ZNF239: variants seen among roughly 807,000 people sequenced by gnomAD.
ZNF239 encodes the protein zinc finger protein (C2H2) homologous to mouse MOK-2.
ZNF239 carries 16 observed loss-of-function variants against 27.5 expected under a neutral mutation model. The observed-to-expected ratio is 0.58, with a 90% CI of 0.39 to 0.88. The LOEUF (loss-of-function observed/expected upper bound fraction) is 0.88. Ranked by LOEUF, ZNF239 falls within the 40% of genes least tolerant of loss-of-function variation. ZNF239 has a pLI of 0.00. For missense variants in ZNF239, 527 were observed against 551.9 expected (o/e 0.95, Z 0.45); for synonymous variants, 199 against 192.6 (o/e 1.03, Z -0.27).
chr10:43,570,889 T>C, intron 2 of ZNF239: 3 of 985,318 alleles, frequency 3.0e-6, no homozygotes, highest in Non-Finnish European at 3.6e-6. Flanking sequence ...GGAAAGGATA[T>C]GTTGGTGGAC....
chr10:43,574,211 G>C (rs960821447), intron 1 of ZNF239, among the ~76,000 whole-genome samples: 2 of 152,208 alleles, frequency 1.3e-5, no homozygotes, highest in Non-Finnish European at 2.9e-5. Flanking sequence ...CGAGGAAAAG[G>C]CCGGCGTGGC....
intron 2 of ZNF239, among the ~76,000 whole-genome samples, chr10:43,572,218 G>C (rs1317094689): frequency 2.0e-5 from 3 of 152,208 alleles, no homozygotes; most frequent in Admixed American, 6.5e-5. Context: ...GCAATCCCCA[G>C]TTGCAGCGGC....
chr10:43,570,434 CCTT>C, intron 2 of ZNF239: 1 of 985,282 alleles, frequency 1.0e-6, no homozygotes, highest in East Asian at 1.1e-4. Flanking sequence ...CCCAACCAGA[CCTT>C]CTCTTCAGAC....
At chr10:43,573,995 C>T (rs572624365) in intron 1 of ZNF239, among the ~76,000 whole-genome samples, 1 of 152,346 alleles carries the variant, frequency 6.6e-6, no homozygotes, top group East Asian at 1.9e-4. Context: ...AGAGGAGAAG[C>T]TTCTCGGGAT....
intron 1 of ZNF239, 103 bp from the exon 2 acceptor site, chr10:43,573,780 T>C (rs1838181787): frequency 6.4e-6 from 2 of 313,978 alleles, no homozygotes; most frequent in Non-Finnish European, 9.2e-6. Flanking sequence ...GCTTCTTCAG[T>C]CACTTCCACC....
At position 43,557,151 on chromosome 10, in the gene ZNF239, T is replaced by A. The variant is rs1179676921; in HGVS notation, c.929A>T (p.Gln310Leu). ...FSQSSKLHIH[Q>L]RVHTGEKPYE... The stretch of plus-strand genomic sequence containing the variant: ...GGGCTTCTCTCCAGTGTGGACTCGC[T>A]GGTGGATGTGCAGTTTGGAGCTCTG... Residue 310 changes from glutamine to leucine, a missense_variant, in exon 4 of 4, where the codon CAG becomes CTG. Coordinates refer to ENST00000374446, the MANE Select transcript of ZNF239 (RefSeq NM_001099282.2). 1 of 1,613,688 alleles carries A rather than the reference T, an allele frequency of 6.2e-7. No homozygotes were observed. The highest frequency in any genetic ancestry group is 8.5e-7 in the Non-Finnish European group (1 of 1,179,772).
Position 43,557,049 on chromosome 10 carries a change from TCTC to T in ZNF239, c.1028_1030del (p.Gly343del). 1 of 1,613,998 alleles carries T rather than the reference TCTC, an allele frequency of 6.2e-7. No individual in the cohort carries two copies. Among genetic ancestry groups the T allele is most frequent in the Non-Finnish European group, 8.5e-7 (1 of 1,179,990 alleles). ...ACACTCACCACACTTGTAGGGCCTCTCTCCTGTGTGTACTCGCTGGTGGATGTG... is the reference window on the plus strand; with the variant it reads ...ACACTCACCACACTTGTAGGGCCTCTCTGTGTGTACTCGCTGGTGGATGTG... On this transcript the variant is annotated inframe_deletion, in exon 4 of 4. Transcript: ENST00000374446.
chr10:43,559,421 G>C (rs185182200), intron 3 of ZNF239, among the ~76,000 whole-genome samples: 133 of 152,314 alleles, frequency 8.7e-4, no homozygotes, highest in African/African-American at 3.0e-3. Flanking sequence ...ACCTAGAAGA[G>C]AAAGGAGGCA....
Position 43,563,620 on chromosome 10 carries a change from T to C in ZNF239, c.-93+4279A>G, listed in dbSNP as rs145976556. On this transcript the variant is annotated intron_variant, in intron 3 of 3. Transcript: ENST00000374446. The stretch of plus-strand genomic sequence containing the variant: ...GCATAAAAGAAAAATGTTGAACAAG[T>C]ATGTTCCATTTTATGTTAATAACAA... 3.9e-3 allele frequency among the ~76,000 whole-genome samples: 588 copies of C among 152,344 alleles called. 8 individuals carry two copies. Among genetic ancestry groups the C allele is most frequent in the African/African-American group, 0.013 (556 of 41,592 alleles).
At chr10:43,573,199 T>C (rs1838139027) in intron 2 of ZNF239, among the ~76,000 whole-genome samples, 2 of 152,186 alleles carry the variant, frequency 1.3e-5, no homozygotes, top group Non-Finnish European at 2.9e-5. Context: ...ACTATTAATA[T>C]GCATTTTTTT....
chr10:43,570,713 CT>C, intron 2 of ZNF239: 4 of 884,768 alleles, frequency 4.5e-6, no homozygotes, highest in Non-Finnish European at 5.4e-6. Flanking sequence ...CACTGCCAGT[CT>C]TAGTAAGACC....
At chr10:43,567,860 C>G in intron 3 of ZNF239, 39 bp downstream of exon 3, 1 of 960,422 alleles carries the variant, frequency 1.0e-6, no homozygotes, top group South Asian at 4.8e-5. Flanking sequence ...AACAAAGAAG[C>G]CAATGGGCAG....
At chr10:43,570,885 G>T (rs1437623197) in intron 2 of ZNF239, 21 of 985,350 alleles carry the variant, frequency 2.1e-5, no homozygotes, top group Non-Finnish European at 2.5e-5. Context: ...GAAGGGAAAG[G>T]ATATGTTGGT....
rs570659024 is a variant in ZNF239, at chr10:43,573,726, C to T, written c.-256-49G>A. On this transcript the variant is annotated intron_variant, in intron 1 of 3. Transcript: ENST00000374446. ...GAGAAAAAGCCATGAAAATCAAGTC[C>T]AGCAAGACTGCGGGGAAAAAGTTAC... 3.4e-5 allele frequency: 31 copies of T among 915,028 alleles called. No individual in the cohort carries two copies. The South Asian group carries it at 1.5e-3, about 45-fold the overall frequency. The allele number at this position is 915,028 out of a possible 1,614,324, so 56.7% of individuals were successfully genotyped here.
At chr10:43,564,384 C>T in intron 3 of ZNF239, 1 of 570,640 alleles carries the variant, frequency 1.8e-6, no homozygotes, top group Non-Finnish European at 2.2e-6. Context: ...TGGCAACAAT[C>T]TGACTAATTT....
rs949038533 is a variant in ZNF239 at position 43,557,039 on chromosome 10, G to C, written c.1041C>G (p.Tyr347Ter). 1.7e-5 allele frequency: 27 copies of C among 1,611,998 alleles called. No individual in the cohort carries two copies. Among genetic ancestry groups the C allele is most frequent in the Non-Finnish European group, 2.3e-5 (27 of 1,179,552 alleles). The change falls in exon 4 of 4, where the codon TAC (tyrosine) becomes TAG (stop). Residue 347 changes from tyrosine to a stop codon, truncating the protein, a stop_gained. Transcript: ENST00000374446. LOFTEE classifies it high-confidence loss of function. ...HQRVHTGERP[Y>*]KCGECGKGFS... Reference sequence around the variant, plus strand: ...AGCCCTTCCCACACTCACCACACTTGTAGGGCCTCTCTCCTGTGTGTACTC... The same window carrying C: ...AGCCCTTCCCACACTCACCACACTTCTAGGGCCTCTCTCCTGTGTGTACTC...
chr10:43,567,602 T>C (rs1354570642), intron 3 of ZNF239, among the ~76,000 whole-genome samples: 1 of 152,146 alleles, frequency 6.6e-6, no homozygotes, highest in Non-Finnish European at 1.5e-5. Context: ...CTGGTGCTCT[T>C]TGAGGTTCAC....
intron 3 of ZNF239, among the ~76,000 whole-genome samples, chr10:43,561,859 T>G (rs1837275108): frequency 6.6e-6 from 1 of 151,334 alleles, no homozygotes; most frequent in Non-Finnish European, 1.5e-5. Context: ...AAACCATAGT[T>G]GAAAAATAAA....
chr10:43,574,127 C>G (rs745775815), intron 1 of ZNF239, among the ~76,000 whole-genome samples: 2 of 152,246 alleles, frequency 1.3e-5, no homozygotes, highest in Non-Finnish European at 2.9e-5. Flanking sequence ...ACAGAAACCT[C>G]AGTCTCTTAC....
Sources: allele counts gnomAD v4.1 joint callset (sites outside exome capture counted in the v4.1 genomes callset), GRCh38; gene constraint gnomAD v4.1.1; transcripts MANE v1.5; gene names NCBI Gene and HGNC (gene_info 2026-07-23, HGNC 2026-07-21).